MMP20: variants seen among roughly 807,000 people sequenced by gnomAD.
MMP20 encodes the protein matrix metalloproteinase-20.
MMP20 carries 50 observed loss-of-function variants against 51.8 expected under a neutral mutation model. That is an observed-to-expected ratio of 0.97 (90% CI 0.77 to 1.22). The LOEUF is 1.22. MMP20 is among the 50% of genes most tolerant of loss of function. The pLI, the probability that MMP20 is intolerant of heterozygous loss-of-function variation, is 0.00. For synonymous variants in MMP20, 244 were observed against 216.2 expected (o/e 1.13, Z -1.13); for missense variants, 663 against 601.4 (o/e 1.10, Z -1.07).
chr11:102,597,940 T>C (rs1859401777), intron 6 of MMP20, among the ~76,000 whole-genome samples: 1 of 151,788 alleles, frequency 6.6e-6, no homozygotes, highest in Non-Finnish European at 1.5e-5. Flanking sequence ...GCTAATTTTG[T>C]ATTTTTAGTA....
intron 8 of MMP20, among the ~76,000 whole-genome samples, chr11:102,579,753 C>T (rs1466116121): frequency 3.3e-5 from 5 of 152,172 alleles, no homozygotes; most frequent in Admixed American, 6.5e-5. Context: ...TTTCCACATA[C>T]ATTGTTTAGA....
rs752456238 is a variant in MMP20, at chr11:102,616,980, A to G, written c.206T>C (p.Ile69Thr). ...EMVARGSNSM[I>T]RKIKELQAFF... ...CGCTTGTAGCTCCTTAATCTTCCTT[A>G]TCATGGAATTGCTTCCTCTTGCAAC... The change falls in exon 2 of 10, where the codon ATA becomes ACA. Residue 69 changes from isoleucine (I) to threonine (T), a missense_variant. Physicochemically the swap from Ile to Thr is moderately conservative, Grantham distance 89 (BLOSUM62 -1). Transcript: ENST00000260228. 6.2e-6 allele frequency: 10 copies of G among 1,614,036 alleles called. No homozygotes were observed. In the South Asian group the frequency reaches 1.1e-4, roughly 18 times the overall value.
intron 5 of MMP20, 34 bp downstream of exon 5, chr11:102,608,903 C>T: frequency 6.2e-7 from 1 of 1,609,368 alleles, no homozygotes; most frequent in Non-Finnish European, 8.5e-7. Context: ...CTGCCAATTT[C>T]AGGGTGAGTC....
rs17099038 is a variant in MMP20 at position 102,616,031 on chromosome 11, C to A, written c.374+781G>T. 7.6e-3 allele frequency among the ~76,000 whole-genome samples: 1,159 copies of A among 152,182 alleles called. 19 individuals are homozygous for A. Among genetic ancestry groups the A allele is most frequent in the African/African-American group, 0.027 (1,105 of 41,494 alleles). On this transcript the variant is annotated intron_variant, in intron 2 of 9. Transcript: ENST00000260228. The stretch of plus-strand genomic sequence containing the variant: ...CTGTGGGAGAGGGAATTCCAGACTC[C>A]GTACCCTGAGCACAGCAGGGAGGGA...
chr11:102,617,357 AT>A (rs1859688244), intron 1 of MMP20, among the ~76,000 whole-genome samples: 1 of 152,118 alleles, frequency 6.6e-6, no homozygotes, highest in African/African-American at 2.4e-5. Flanking sequence ...TTTGCTTCTA[AT>A]TTTTTTAAAA....
In MMP20 at chr11:102,606,547, A is replaced by G. The variant is rs1203523306; in HGVS notation, c.941T>C (p.Leu314Pro). The change falls in exon 6 of 10, where the codon CTC becomes CCC. Residue 314 changes from leucine (L) to proline (P), a missense_variant. By Grantham distance (98) the Leu-to-Pro change is moderately conservative. Transcript: ENST00000260228. ...GTCTGAGGCTTACCGGTCCTTGAAG[A>G]GCAGGAGCTCCTTCCCCAGCATTGT... The part of the protein sequence containing the change: ...AVTMLGKELL[L>P]FKDRIFWRRQ... The G allele has an allele frequency of 1.2e-6, 2 of 1,613,816 alleles. No homozygotes were observed. Among genetic ancestry groups the G allele is most frequent in the Admixed American group, 1.7e-5 (1 of 59,988 alleles).
chr11:102,625,248 G>C lies in MMP20; in HGVS notation c.72C>G (p.Pro24=), dbSNP rs1859807389. The part of the protein sequence containing the change: ...IMALKFSTAA[P]SLVAASPRTW... ...TCCTGGGGGAGGCTGCAACTAGGGA[G>C]GGGGCTGCAGTGGAAAACTTCAAAG... The change falls in exon 1 of 10, where the codon CCC becomes CCG. Residue 24 remains proline (P), a synonymous_variant. Transcript: ENST00000260228. The C allele has an allele frequency of 6.2e-7, 1 of 1,613,864 alleles. No individual in the cohort carries two copies. Among genetic ancestry groups the C allele is most frequent in the Admixed American group, 1.7e-5 (1 of 59,972 alleles).
At chr11:102,618,509 A>C (rs1859704435) in intron 1 of MMP20, among the ~76,000 whole-genome samples, 1 of 151,814 alleles carries the variant, frequency 6.6e-6, no homozygotes, top group African/African-American at 2.4e-5. Context: ...ATTATCCTAT[A>C]TTTATATGAG....
intron 1 of MMP20, among the ~76,000 whole-genome samples, chr11:102,622,753 ATTTG>A (rs1859766770): frequency 6.6e-6 from 1 of 152,120 alleles, no homozygotes; most frequent in Non-Finnish European, 1.5e-5. Context: ...CAGGGGCTTG[ATTTG>A]TTTGATTCTC....
intron 9 of MMP20, 106 bp from the exon 10 acceptor site, chr11:102,577,532 G>A: frequency 3.7e-6 from 3 of 808,960 alleles, no homozygotes; most frequent in South Asian, 1.4e-5. Context: ...AAGAGGAATT[G>A]TGAATTTGTC....
intron 8 of MMP20, among the ~76,000 whole-genome samples, chr11:102,582,152 A>G (rs983940437): frequency 2.6e-5 from 4 of 152,150 alleles, no homozygotes; most frequent in African/African-American, 9.7e-5. Context: ...TATTCTAAGG[A>G]CTCAGGGACT....
chr11:102,603,701 G>A (rs543520140), intron 6 of MMP20, among the ~76,000 whole-genome samples: 1 of 152,266 alleles, frequency 6.6e-6, no homozygotes, highest in East Asian at 1.9e-4. Context: ...GTCCAGTGCT[G>A]GGACCACTCC....
Position 102,593,595 on chromosome 11 carries a change from C to A in MMP20, c.1091G>T (p.Gly364Val). Residue 364 changes from glycine (G) to valine (V), a missense_variant and splice_region_variant, in exon 8 of 10, where the codon GGT becomes GTT. Transcript: ENST00000260228. ...AERGTAYFFKGPHYWITRGFQ... is the reference protein window; with the variant it reads ...AERGTAYFFKVPHYWITRGFQ... ...TCCTCTTGTTATCCAGTAGTGGGGA[C>A]CTGAAAACAGAAATTAAAGTTTACG... 1 of 1,613,964 alleles carries A rather than the reference C, an allele frequency of 6.2e-7. No homozygotes were observed. The highest frequency in any genetic ancestry group is 8.5e-7 in the Non-Finnish European group (1 of 1,179,932).
intron 9 of MMP20, among the ~76,000 whole-genome samples, chr11:102,578,107 A>G (rs1176414293): frequency 6.6e-6 from 1 of 151,680 alleles, no homozygotes; most frequent in Non-Finnish European, 1.5e-5. Flanking sequence ...CAGGAGTTGG[A>G]TGATGGAGTG....
chr11:102,597,109 G>C (rs894779751), intron 6 of MMP20, among the ~76,000 whole-genome samples: 1 of 152,332 alleles, frequency 6.6e-6, no homozygotes, highest in African/African-American at 2.4e-5. Context: ...AGGTAGAGGA[G>C]CAGATATGTC....
intron 3 of MMP20, among the ~76,000 whole-genome samples, chr11:102,611,221 A>T (rs1415053843): frequency 1.3e-5 from 2 of 152,156 alleles, no homozygotes; most frequent in Non-Finnish European, 2.9e-5. Flanking sequence ...TGGAATGGAG[A>T]AGAAGTGGGA....
chr11:102,615,383 C>T (rs117334748), intron 2 of MMP20, among the ~76,000 whole-genome samples: 2,430 of 151,946 alleles, frequency 0.016, 28 homozygotes, highest in Middle Eastern at 0.049. Flanking sequence ...GCAACCAGCT[C>T]ACAAAATTCT....
chr11:102,594,486 A>C lies in MMP20; in HGVS notation c.1090+135T>G, dbSNP rs143298229. 36 of 1,173,740 alleles carry C rather than the reference A, an allele frequency of 3.1e-5. 1 individual carries two copies. The African/African-American group carries it at 5.0e-4, about 16-fold the overall frequency. 72.7% of individuals were successfully genotyped at this position (1,173,740 alleles called of 1,614,324 possible). A position where few individuals can be genotyped will look rare whatever the true frequency, so the allele number is the denominator to read the frequency against. On this transcript the variant is annotated intron_variant, in intron 7 of 9. Transcript: ENST00000260228. ...TATAACAAATGTAGGGTGGCATTTCATACCCAACCTGAGGACAAAGAGCAA... is the reference window on the plus strand; with the variant it reads ...TATAACAAATGTAGGGTGGCATTTCCTACCCAACCTGAGGACAAAGAGCAA...
intron 2 of MMP20, 36 bp downstream of exon 2, chr11:102,616,770 GTGGTGT>G (rs774189484): frequency 6.2e-7 from 1 of 1,609,914 alleles, no homozygotes; most frequent in Non-Finnish European, 8.5e-7. Context: ...AAAGAGAGAG[GTGGTGT>G]TTTTCTCTGA....
Sources: gnomAD v4.1 joint callset for allele counts (sites outside exome capture counted in the v4.1 genomes callset) on GRCh38, gnomAD v4.1.1 for gene constraint, MANE v1.5 for transcripts, NCBI Gene and HGNC (gene_info 2026-07-23, HGNC 2026-07-21) for gene names.